Variants in GALNT18 observed in about 807,000 individuals in gnomAD.
The protein encoded by GALNT18 is GalNAc-transferase 18.
A neutral mutation model predicts 69.5 loss-of-function variants in GALNT18; 44 were observed. The ratio of observed to expected loss-of-function variants is 0.63; its 90% CI spans 0.50 to 0.81. The LOEUF is 0.81. GALNT18 is among the 40% of genes least tolerant of loss of function. The pLI is 0.00. For synonymous variants in GALNT18, 364 were observed against 318.2 expected, an observed-to-expected ratio of 1.14 and a Z score of -1.53; for missense variants, 715 against 810.0, an observed-to-expected ratio of 0.88 and a Z score of 1.42.
At chr11:11,334,492 G>A (rs577128428) in intron 7 of GALNT18, among the ~76,000 whole-genome samples, 6 of 151,182 alleles carry the variant, frequency 4.0e-5, no homozygotes, top group East Asian at 2.0e-4. Context: ...GCAGTGAGCC[G>A]AGATCGCACC....
chr11:11,471,459 G>A (rs982548138), intron 1 of GALNT18, among the ~76,000 whole-genome samples: 5 of 152,118 alleles, frequency 3.3e-5, no homozygotes, highest in African/African-American at 1.2e-4. Flanking sequence ...AGGTAGGTGG[G>A]GACTGGCTGC....
intron 1 of GALNT18, among the ~76,000 whole-genome samples, chr11:11,530,100 A>G (rs1292343894): frequency 6.6e-6 from 1 of 151,910 alleles, no homozygotes; most frequent in Non-Finnish European, 1.5e-5. Flanking sequence ...CTCCTCCCCA[A>G]CACAGGCTCA....
intron 10 of GALNT18, among the ~76,000 whole-genome samples, chr11:11,292,549 A>G (rs546534776): frequency 8.2e-4 from 125 of 152,268 alleles, no homozygotes; most frequent in African/African-American, 2.7e-3. Flanking sequence ...TGGAAGGCAG[A>G]GGGGGTTGCA....
At chr11:11,296,004 G>C (rs188912852) in intron 9 of GALNT18, among the ~76,000 whole-genome samples, 56 of 152,188 alleles carry the variant, frequency 3.7e-4, no homozygotes, top group African/African-American at 1.3e-3. Context: ...ATGTCCTGTG[G>C]CTTCTAGTTT....
intron 1 of GALNT18, among the ~76,000 whole-genome samples, chr11:11,457,726 G>A (rs898810276): frequency 1.3e-5 from 2 of 151,900 alleles, no homozygotes; most frequent in Admixed American, 6.6e-5. Context: ...GTGCTCCCAG[G>A]AAACCACTGG....
At chr11:11,559,259 C>G (rs1382125954) in intron 1 of GALNT18, among the ~76,000 whole-genome samples, 1 of 152,238 alleles carries the variant, frequency 6.6e-6, no homozygotes, top group African/African-American at 2.4e-5. Context: ...CGACCACCCC[C>G]TCCACTGTCA....
chr11:11,490,032 T>C (rs1175503146), intron 1 of GALNT18, among the ~76,000 whole-genome samples: 10 of 152,194 alleles, frequency 6.6e-5, no homozygotes, highest in African/African-American at 2.4e-5. Context: ...TGTGACAGTG[T>C]TGGAACATGG....
At chr11:11,607,028 T>C (rs557112182) in intron 1 of GALNT18, among the ~76,000 whole-genome samples, 1 of 152,328 alleles carries the variant, frequency 6.6e-6, no homozygotes, top group Admixed American at 6.5e-5. Context: ...GGTTTACCCT[T>C]CTTTGTTGAT....
At chr11:11,589,960 C>T (rs1859316993) in intron 1 of GALNT18, among the ~76,000 whole-genome samples, 1 of 152,198 alleles carries the variant, frequency 6.6e-6, no homozygotes, top group Non-Finnish European at 1.5e-5. Context: ...GTATGAGAGG[C>T]CCTGCAAAGA....
chr11:11,594,966 A>G (rs2133935631), intron 1 of GALNT18, among the ~76,000 whole-genome samples: 3 of 141,872 alleles, frequency 2.1e-5, no homozygotes, highest in South Asian at 4.6e-4. Context: ...GTGTATATAT[A>G]CACAAAATAT....
intron 5 of GALNT18, among the ~76,000 whole-genome samples, chr11:11,373,919 G>C (rs1163350696): frequency 6.6e-6 from 1 of 152,210 alleles, no homozygotes; most frequent in African/African-American, 2.4e-5. Flanking sequence ...TCAGGGATGA[G>C]AAAACTGTCG....
chr11:11,313,929 T>C (rs571421775), intron 9 of GALNT18, among the ~76,000 whole-genome samples: 1 of 152,338 alleles, frequency 6.6e-6, no homozygotes, highest in Admixed American at 6.5e-5. Flanking sequence ...TACTCCAGTT[T>C]GAACGAGAGA....
chr11:11,309,819 A>G lies in GALNT18; in HGVS notation c.1513-16626T>C, dbSNP rs1849639676. Among the ~76,000 whole-genome samples, 1 of 152,024 alleles carries G rather than the reference A, an allele frequency of 6.6e-6. No individual in the cohort carries two copies. ...GCTTCAGTTGCAAGACAGCCTGCAA[A>G]CTTGTTCCTCCTGGGCCTCAGCAGA... is the stretch of plus-strand genomic sequence containing the variant. On this transcript the variant is annotated intron_variant, in intron 9 of 10. Coordinates refer to ENST00000227756, the MANE Select transcript of GALNT18 (RefSeq NM_198516.3). The surrounding 1 kb of genome is among the most constrained non-coding windows in gnomAD (Gnocchi z 4.6).
rs1435802984 is a variant in GALNT18 at position 11,372,296 on chromosome 11, C to T, written c.1092+219G>A. On this transcript the variant is annotated intron_variant, in intron 6 of 10. Transcript: ENST00000227756. The surrounding 1 kb of genome is among the most constrained non-coding windows in gnomAD (Gnocchi z 4.9). The stretch of plus-strand genomic sequence containing the variant: ...AGTTGGCAGCTTAACCTCTCCCATG[C>T]TCCCTCCCCCAGCCAAGCTGGTTCT... 6.6e-6 allele frequency among the ~76,000 whole-genome samples: 1 copy of T among 152,178 alleles called. No homozygotes were observed. The highest frequency in any genetic ancestry group is 1.5e-5 in the Non-Finnish European group (1 of 68,030).
At chr11:11,485,720 G>A (rs1358091288) in intron 1 of GALNT18, among the ~76,000 whole-genome samples, 1 of 152,184 alleles carries the variant, frequency 6.6e-6, no homozygotes, top group African/African-American at 2.4e-5. Flanking sequence ...GGGAGGAGTT[G>A]ACCTTCATGG....
intron 10 of GALNT18, among the ~76,000 whole-genome samples, chr11:11,289,960 A>T (rs965768918): frequency 9.2e-5 from 14 of 152,162 alleles, no homozygotes; most frequent in African/African-American, 3.4e-4. Flanking sequence ...AGAGGGCTGG[A>T]GGCTTACTTC....
At position 11,514,037 on chromosome 11, in the gene GALNT18, G is replaced by A. The variant is rs918036634; in HGVS notation, c.236-65101C>T. On this transcript the variant is annotated intron_variant, in intron 1 of 10. Coordinates refer to ENST00000227756, the MANE Select transcript of GALNT18 (RefSeq NM_198516.3). ...GGGAGTGAGGGGACCCTGTTGCTGT[G>A]AGATGCCTTGTGATTACAGAGGAGG... Among the ~76,000 whole-genome samples, 83 of 152,206 alleles carry A rather than the reference G, an allele frequency of 5.5e-4. 3 individuals carry two copies. Among genetic ancestry groups the A allele is most frequent in the Middle Eastern group, 6.3e-3 (2 of 316 alleles).
rs551529833 is a variant in GALNT18 at position 11,505,930 on chromosome 11, T to A, written c.236-56994A>T. 6.6e-6 allele frequency among the ~76,000 whole-genome samples: 1 copy of A among 152,300 alleles called. No homozygotes were observed. The highest frequency in any genetic ancestry group is 1.9e-4 in the East Asian group (1 of 5,178). ...TCTGAAAGGAAGTCATCCTCCCCTA[T>A]GGCCTTCCTTATCAGTACAGGTTAG... On this transcript the variant is annotated intron_variant, in intron 1 of 10. Coordinates refer to ENST00000227756, the MANE Select transcript of GALNT18 (RefSeq NM_198516.3). This position sits in a 1 kb window ranked among gnomAD's most constrained non-coding sequence, Gnocchi z 4.6.
intron 9 of GALNT18, among the ~76,000 whole-genome samples, chr11:11,300,567 T>C (rs1032034445): frequency 6.6e-6 from 1 of 151,718 alleles, no homozygotes; most frequent in Non-Finnish European, 1.5e-5. Context: ...AACAGGGGAG[T>C]GTGACACTGT....
Sources: gnomAD v4.1 joint callset for allele counts (sites outside exome capture counted in the v4.1 genomes callset) on GRCh38, gnomAD v4.1.1 for gene constraint, Gnocchi (gnomAD v3.1) non-coding constraint, MANE v1.5 for transcripts, NCBI Gene and HGNC (gene_info 2026-07-23, HGNC 2026-07-21) for gene names.